The following KDM6A variants were observed in gnomAD, a reference collection of about 807,000 sequenced individuals.
KDM6A encodes lysine demethylase 6A.
KDM6A carries 11 observed loss-of-function variants against 117.6 expected under a neutral mutation model. The ratio of observed to expected loss-of-function variants is 0.09; its 90% CI spans 0.06 to 0.15. The LOEUF (loss-of-function observed/expected upper bound fraction) is 0.15. Among genes scored for constraint, KDM6A ranks in the 10% least tolerant of loss-of-function variants. The pLI, the probability that KDM6A is intolerant of heterozygous loss-of-function variation, is 1.00. For synonymous variants in KDM6A, 384 were observed against 396.1 expected, an observed-to-expected ratio of 0.97 and a Z score of 0.36; for missense variants, 799 against 1,077.3, an observed-to-expected ratio of 0.74 and a Z score of 3.62.
intron 3 of KDM6A, among the ~76,000 whole-genome samples, chrX:44,965,332 T>C (rs773293730): frequency 2.3e-4 from 26 of 112,126 alleles, no homozygotes; most frequent in Non-Finnish European, 4.1e-4. Flanking sequence ...CCAAGAATGT[T>C]TCCTTTGCAT....
Position 45,034,955 on chromosome X carries a change from T to G in KDM6A, c.589T>G (p.Cys197Gly). 8.3e-7 allele frequency: 1 copy of G among 1,206,688 alleles called. No individual in the cohort carries two copies. Reference protein sequence around the residue: ...LKHFQLALVDCNPCTLSNAEI... With the variant: ...LKHFQLALVDGNPCTLSNAEI... The stretch of plus-strand genomic sequence containing the variant: ...GCATTTTCAGTTAGCTTTGGTTGAC[T>G]GTAATCCCTGCACTTTGTCCAATGC... The change falls in exon 7 of 30, where the codon TGT (cysteine) becomes GGT (glycine). Residue 197 changes from cysteine (C) to glycine (G), a missense_variant. Physicochemically the swap from Cys to Gly is radical, Grantham distance 159. This residue lies in a region of KDM6A where 63 missense variants were observed against 68.2 expected (regional missense o/e 0.92). Transcript: ENST00000611820.
intron 2 of KDM6A, among the ~76,000 whole-genome samples, chrX:44,952,932 T>G (rs2038104210): frequency 9.1e-6 from 1 of 110,324 alleles, no homozygotes; most frequent in East Asian, 2.9e-4. Flanking sequence ...GTGTGTGCCA[T>G]CATGCCAGCA....
At chrX:44,962,801 C>T (rs185382871) in intron 3 of KDM6A, among the ~76,000 whole-genome samples, 17 of 112,424 alleles carry the variant, frequency 1.5e-4, no homozygotes, top group African/African-American at 5.5e-4. Context: ...AAAGTGCTAA[C>T]AATCAACTGA....
At chrX:45,051,543 C>T (rs1054746759) in intron 8 of KDM6A, among the ~76,000 whole-genome samples, 166 bp from the exon 9 acceptor site, 1 of 111,942 alleles carries the variant, frequency 8.9e-6, no homozygotes, top group Non-Finnish European at 1.9e-5. Context: ...AGGCTTATTA[C>T]TCAACTGTCT....
intron 4 of KDM6A, among the ~76,000 whole-genome samples, chrX:44,997,380 G>C (rs1054985748): frequency 8.9e-6 from 1 of 111,981 alleles, no homozygotes; most frequent in Non-Finnish European, 1.9e-5. Context: ...AGTCCCACTG[G>C]TCAGTGGCCT....
intron 2 of KDM6A, among the ~76,000 whole-genome samples, chrX:44,898,165 G>C (rs2046429113): frequency 9.0e-6 from 1 of 111,581 alleles, no homozygotes; most frequent in Admixed American, 9.6e-5. Context: ...AAGTAGGGAG[G>C]CTATCTCACA....
intron 2 of KDM6A, among the ~76,000 whole-genome samples, chrX:44,928,680 T>C: frequency 9.0e-6 from 1 of 111,393 alleles, no homozygotes; most frequent in Non-Finnish European, 1.9e-5. Flanking sequence ...GCTTTTGTTT[T>C]TTTGTTTCAC....
rs1354997892 is a variant in KDM6A, at chrX:45,059,411, G to A, written c.1139G>A (p.Arg380Lys). Reference sequence around the variant, plus strand: ...ATTAAATGCTACTTAAATGCAACTAGAAGCAAAAGTTGTAGTAATACCTCT... The same window carrying A: ...ATTAAATGCTACTTAAATGCAACTAAAAGCAAAAGTTGTAGTAATACCTCT... ...DAIKCYLNAT[R>K]SKSCSNTSAL... Residue 380 changes from arginine (R) to lysine (K), a missense_variant, in exon 12 of 30, where the codon AGA becomes AAA. Arg to Lys is a conservative substitution (Grantham distance 26). This residue lies in a region of KDM6A where 36 missense variants were observed against 44.4 expected (regional missense o/e 0.81). Coordinates refer to ENST00000611820, the MANE Select transcript of KDM6A (RefSeq NM_001291415.2). 8.3e-7 allele frequency: 1 copy of A among 1,211,069 alleles called. No homozygotes were observed. The highest frequency in any genetic ancestry group is 1.8e-5 in the South Asian group (1 of 56,973).
At chrX:45,024,575 C>T (rs1205701059) in intron 6 of KDM6A, among the ~76,000 whole-genome samples, 1 of 111,107 alleles carries the variant, frequency 9.0e-6, no homozygotes, top group African/African-American at 3.3e-5. Context: ...CGAACATTTT[C>T]TCCCACTCTA....
intron 2 of KDM6A, among the ~76,000 whole-genome samples, chrX:44,910,503 AT>A (rs1232861101): frequency 6.6e-5 from 6 of 90,587 alleles, no homozygotes; most frequent in Non-Finnish European, 6.4e-5. Context: ...AAGTAGCTTC[AT>A]TTTTTTTTTT....
chrX:45,014,829 G>T (rs1008545454), intron 5 of KDM6A, among the ~76,000 whole-genome samples: 1 of 111,934 alleles, frequency 8.9e-6, no homozygotes, highest in Non-Finnish European at 1.9e-5. Flanking sequence ...TCTCTGTCCT[G>T]TAACCTTTTT....
chrX:44,880,602 C>T (rs1396161056), intron 2 of KDM6A, among the ~76,000 whole-genome samples: 5 of 108,394 alleles, frequency 4.6e-5, no homozygotes, highest in Admixed American at 3.0e-4. Context: ...ACCAGCCTGG[C>T]CAAAGTGGCA....
intron 2 of KDM6A, among the ~76,000 whole-genome samples, chrX:44,911,905 C>T (rs2035212613): frequency 9.3e-6 from 1 of 107,752 alleles, no homozygotes; most frequent in Admixed American, 9.8e-5. Context: ...CGCGCGCCTG[C>T]AATCGCAGGC....
intron 2 of KDM6A, among the ~76,000 whole-genome samples, chrX:44,909,711 T>A (rs2034962374): frequency 8.9e-6 from 1 of 112,104 alleles, no homozygotes; most frequent in South Asian, 3.7e-4. Context: ...GTCCAGTTAC[T>A]GAGTTTATTT....
intron 6 of KDM6A, among the ~76,000 whole-genome samples, chrX:45,030,338 G>A (rs1011492050): frequency 3.5e-5 from 3 of 85,692 alleles, no homozygotes; most frequent in African/African-American, 1.4e-4. Flanking sequence ...AGAAAAGACC[G>A]GCTGGTAAAC....
At chrX:44,992,543 C>T (rs1293813108) in intron 4 of KDM6A, among the ~76,000 whole-genome samples, 1 of 107,307 alleles carries the variant, frequency 9.3e-6, no homozygotes, top group African/African-American at 3.4e-5. Context: ...CTTTTTATTC[C>T]TTCAAAGATG....
intron 8 of KDM6A, among the ~76,000 whole-genome samples, chrX:45,040,128 C>T (rs1356147053): frequency 1.7e-5 from 1 of 59,362 alleles, no homozygotes; most frequent in Non-Finnish European, 3.1e-5. Flanking sequence ...GGGCGGCTGG[C>T]CGGGCGGGGG....
rs1421437187 is a variant in KDM6A at position 45,096,283 on chromosome X, GC to G, written c.4034+5420del. ...GCCCGCTCAACCAAAAAGAATGTAA[GC>G]AAAATTTACCTTGTGCCTTCTCATC... On this transcript the variant is annotated intron_variant, in intron 27 of 29. Transcript: ENST00000611820. Among the ~76,000 whole-genome samples the G allele has an allele frequency of 1.8e-4, 20 of 111,328 alleles. No homozygotes were observed. In the Admixed American group the frequency reaches 1.8e-3, roughly 10 times the overall value.
At chrX:45,107,138 G>A in intron 27 of KDM6A, 2 of 253,109 alleles carry the variant, frequency 7.9e-6, no homozygotes, top group South Asian at 1.3e-4. Context: ...CATTTAAGCA[G>A]GGAGTCAGTT....
Sources: gnomAD v4.1 joint callset for allele counts (sites outside exome capture counted in the v4.1 genomes callset) on GRCh38, gnomAD v4.1.1 for gene constraint, gnomAD v4.1.1 regional missense constraint, MANE v1.5 for transcripts, NCBI Gene and HGNC (gene_info 2026-07-23, HGNC 2026-07-21) for gene names.